The following FOXK1 variants were observed in gnomAD, a reference collection of about 807,000 sequenced individuals.
FOXK1 encodes forkhead box protein K1.
Under a neutral mutation model 51.9 loss-of-function variants are expected in FOXK1, and 19 were observed. The observed-to-expected ratio is 0.37, with a 90% CI of 0.26 to 0.54. The LOEUF is 0.54. Among genes scored for constraint, FOXK1 ranks in the 20% least tolerant of loss-of-function variants. The pLI is 0.87. For synonymous variants in FOXK1, 537 were observed against 482.6 expected, an observed-to-expected ratio of 1.11 and a Z score of -1.48; for missense variants, 870 against 1,032.7, an observed-to-expected ratio of 0.84 and a Z score of 2.16.
chr7:4,692,049 G>A (rs78072784), intron 1 of FOXK1, among the ~76,000 whole-genome samples: 1,602 of 151,938 alleles, frequency 0.011, 67 homozygotes, highest in Admixed American at 0.081. Context: ...GACACTGACC[G>A]TATTAGAAAT....
chr7:4,695,269 T>C (rs906206285), intron 1 of FOXK1, among the ~76,000 whole-genome samples: 2 of 152,238 alleles, frequency 1.3e-5, no homozygotes, highest in Admixed American at 6.5e-5. Context: ...CAGGGAACAC[T>C]TGCAGCCCTA....
intron 1 of FOXK1, among the ~76,000 whole-genome samples, chr7:4,705,554 T>TCTCTCTCTCGCTCTCGCTCTCG (rs895937029): frequency 9.9e-5 from 13 of 131,510 alleles, no homozygotes; most frequent in African/African-American, 4.1e-4. Flanking sequence ...TCTCTCTCTC[T>TCTCTCTCTCGCTCTCGCTCTCG]CTCTCGCTCT....
Position 4,711,990 on chromosome 7 carries a change from C to G in FOXK1, c.561-28848C>G, listed in dbSNP as rs1267909141. 6.6e-6 allele frequency among the ~76,000 whole-genome samples: 1 copy of G among 151,356 alleles called. No individual in the cohort carries two copies. Among genetic ancestry groups the G allele is most frequent in the African/African-American group, 2.4e-5 (1 of 41,188 alleles). On this transcript the variant is annotated intron_variant, in intron 1 of 8. Coordinates refer to ENST00000328914, the MANE Select transcript of FOXK1 (RefSeq NM_001037165.2). The surrounding 1 kb of genome is among the most constrained non-coding windows in gnomAD (Gnocchi z 6.3). ...GCAGGAGGGAGGACGCGGCAGGTCA[C>G]AGAGCCCACCAAGTCCGAAGCTGGA...
In FOXK1 at chr7:4,762,215, C is replaced by G; in HGVS notation, c.1953C>G (p.Thr651=). Residue 651 remains threonine, a synonymous_variant, in exon 9 of 9, where the codon ACC becomes ACG. Transcript: ENST00000328914. This position sits in a 1 kb window ranked among gnomAD's most constrained non-coding sequence, Gnocchi z 5.7. The part of the protein sequence containing the change: ...ALTSPLQLLA[T]QASSSAPVVV... ...CCAGCCCTTTGCAGCTCCTTGCGAC[C>G]CAAGCGAGTTCATCCGCGCCGGTGG... 1 of 1,555,610 alleles carries G rather than the reference C, an allele frequency of 6.4e-7. No homozygotes were observed. Among genetic ancestry groups the G allele is most frequent in the Non-Finnish European group, 8.7e-7 (1 of 1,148,858 alleles).
intron 1 of FOXK1, among the ~76,000 whole-genome samples, chr7:4,702,015 C>T (rs1176074076): frequency 6.6e-6 from 1 of 152,170 alleles, no homozygotes; most frequent in East Asian, 1.9e-4. Context: ...GTTGAGGCTG[C>T]GGTGAGCTGT....
intron 1 of FOXK1, among the ~76,000 whole-genome samples, chr7:4,717,078 TGTG>T (rs1562376992): frequency 3.0e-5 from 3 of 98,588 alleles, no homozygotes; most frequent in East Asian, 3.3e-4. Context: ...GTGGCTGGAA[TGTG>T]GTGGCGGGAG....
rs574066444 is a variant in FOXK1, at chr7:4,760,994, T to G, written c.1697-70T>G. ...CACTTTCCCCACTTGTCCGACCTGC[T>G]GCCCAGGCGTCGAGGAAATCGATTG... On this transcript the variant is annotated intron_variant, in intron 7 of 8. Coordinates refer to ENST00000328914, the MANE Select transcript of FOXK1 (RefSeq NM_001037165.2). 6 of 1,466,154 alleles carry G rather than the reference T, an allele frequency of 4.1e-6. No homozygotes were observed. In the African/African-American group the frequency reaches 4.2e-5, roughly 10 times the overall value. 90.8% of individuals were successfully genotyped at this position (1,466,154 alleles called of 1,614,324 possible). A position where few individuals can be genotyped will look rare whatever the true frequency, so the allele number is the denominator to read the frequency against.
rs1220857840 is a variant in FOXK1, at chr7:4,768,186, G to A, written c.*5722G>A. 1 of 128,574 alleles carries A rather than the reference G, an allele frequency of 7.8e-6. No individual in the cohort carries two copies. Among genetic ancestry groups the A allele is most frequent in the Non-Finnish European group, 1.5e-5 (1 of 65,234 alleles). The allele number at this position is 128,574 out of a possible 1,614,324, so 8.0% of individuals were successfully genotyped here. On this transcript the variant is annotated 3_prime_UTR_variant, in exon 9 of 9. Transcript: ENST00000328914. ...CTCGCTCTGTCGCCCAGGCTGGAGT[G>A]CAGTGGCGTGATCTCGGCTCACTGC...
Position 4,755,180 on chromosome 7 carries a change from TG to T in FOXK1, c.904-53del. On this transcript the variant is annotated intron_variant, in intron 3 of 8. Transcript: ENST00000328914. The surrounding 1 kb of genome is among the most constrained non-coding windows in gnomAD (Gnocchi z 6.6). ...CTCCCCATCAGCTGTGACGGGTGGG[TG>T]GGGTAGACTCAGGGACCTTGCTGGA... The T allele has an allele frequency of 6.3e-7, 1 of 1,586,164 alleles. No homozygotes were observed. Among genetic ancestry groups the T allele is most frequent in the Non-Finnish European group, 8.6e-7 (1 of 1,162,138 alleles).
intron 1 of FOXK1, among the ~76,000 whole-genome samples, chr7:4,704,536 A>G (rs922924797): frequency 1.3e-5 from 2 of 151,782 alleles, no homozygotes; most frequent in Non-Finnish European, 2.9e-5. Context: ...AAAAAAAAAA[A>G]TGCTCAAAGG....
chr7:4,727,676 C>G (rs1057232130), intron 1 of FOXK1, among the ~76,000 whole-genome samples: 1 of 152,234 alleles, frequency 6.6e-6, no homozygotes, highest in East Asian at 1.9e-4. Context: ...CTGAGGGCGG[C>G]CTGCTGTCCG....
At chr7:4,744,507 G>C (rs1334764570) in intron 2 of FOXK1, among the ~76,000 whole-genome samples, 4 of 152,260 alleles carry the variant, frequency 2.6e-5, no homozygotes, top group African/African-American at 9.6e-5. Context: ...CAGGCGCTGT[G>C]CGGTATTGTT....
intron 1 of FOXK1, among the ~76,000 whole-genome samples, chr7:4,697,217 G>T (rs1263200747): frequency 6.6e-6 from 1 of 152,210 alleles, no homozygotes; most frequent in Non-Finnish European, 1.5e-5. Flanking sequence ...GGGGAGGCCA[G>T]GCCCAGAAGT....
In FOXK1 at chr7:4,769,181, T is replaced by C. The variant is rs922235950; in HGVS notation, c.*6717T>C. On this transcript the variant is annotated 3_prime_UTR_variant, in exon 9 of 9. Transcript: ENST00000328914. This position sits in a 1 kb window ranked among gnomAD's most constrained non-coding sequence, Gnocchi z 4.1. Reference sequence around the variant, plus strand: ...CAGGGAGAAACCCCTCGGAAGAATCTTAGTCACTCTTTGCACCTGCCCTGT... The same window carrying C: ...CAGGGAGAAACCCCTCGGAAGAATCCTAGTCACTCTTTGCACCTGCCCTGT... The C allele has an allele frequency of 6.6e-6, 1 of 152,204 alleles. No homozygotes were observed. The highest frequency in any genetic ancestry group is 1.5e-5 in the Non-Finnish European group (1 of 68,032). 9.4% of individuals were successfully genotyped at this position (152,204 alleles called of 1,614,324 possible).
intron 2 of FOXK1, among the ~76,000 whole-genome samples, chr7:4,750,200 G>T (rs1056612124): frequency 2.6e-5 from 4 of 152,198 alleles, no homozygotes; most frequent in African/African-American, 9.7e-5. Flanking sequence ...GGGGGCACAG[G>T]CGTTTGATTC....
At chr7:4,684,900 C>T (rs184685379) in intron 1 of FOXK1, among the ~76,000 whole-genome samples, 2 of 151,556 alleles carry the variant, frequency 1.3e-5, no homozygotes, top group African/African-American at 4.8e-5. Flanking sequence ...CAGTAGCAAG[C>T]CTGTTATTTA....
chr7:4,691,556 G>C (rs1408596836), intron 1 of FOXK1, among the ~76,000 whole-genome samples: 1 of 151,954 alleles, frequency 6.6e-6, no homozygotes, highest in Non-Finnish European at 1.5e-5. Flanking sequence ...GGCTGGTCTT[G>C]AACTCTTGAC....
intron 1 of FOXK1, among the ~76,000 whole-genome samples, chr7:4,720,325 T>C (rs1190471179): frequency 6.6e-6 from 1 of 151,358 alleles, no homozygotes; most frequent in Non-Finnish European, 1.5e-5. Context: ...TTCAGTGACA[T>C]GCATGGGAGA....
Position 4,703,266 on chromosome 7 carries a change from T to C in FOXK1, c.560+20398T>C, listed in dbSNP as rs968664209. Among the ~76,000 whole-genome samples, 4 of 151,812 alleles carry C rather than the reference T, an allele frequency of 2.6e-5. No homozygotes were observed. The highest frequency in any genetic ancestry group is 4.4e-5 in the Non-Finnish European group (3 of 67,902). ...GTCAGGGAGACAGACCTCCAGCCAT[T>C]GGGCCTCTCCGCTCTGGGGTGAGGG... On this transcript the variant is annotated intron_variant, in intron 1 of 8. Coordinates refer to ENST00000328914, the MANE Select transcript of FOXK1 (RefSeq NM_001037165.2). This position sits in a 1 kb window ranked among gnomAD's most constrained non-coding sequence, Gnocchi z 5.6.
Sources: allele counts gnomAD v4.1 joint callset (sites outside exome capture counted in the v4.1 genomes callset), GRCh38; gene constraint gnomAD v4.1.1; non-coding constraint Gnocchi (gnomAD v3.1); transcripts MANE v1.5; gene names NCBI Gene and HGNC (gene_info 2026-07-23, HGNC 2026-07-21).